Variants in CD8B2 observed in about 807,000 individuals in gnomAD.
The protein encoded by CD8B2 is CD8B family member 2, also known as T-cell surface glycoprotein CD8 beta-2 chain.
In CD8B2, 11 loss-of-function variants were observed where a neutral mutation model predicts 23.7. The observed-to-expected ratio is 0.46, with a 90% CI of 0.29 to 0.77. The LOEUF is 0.77. Among genes scored for constraint, CD8B2 ranks in the 30% least tolerant of loss-of-function variants. The pLI, the probability that CD8B2 is intolerant of heterozygous loss-of-function variation, is 0.09. For missense variants in CD8B2, 197 were observed against 270.5 expected, an observed-to-expected ratio of 0.73 and a Z score of 1.91; for synonymous variants, 90 against 109.3, an observed-to-expected ratio of 0.82 and a Z score of 1.10.
At chr2:106,528,223 G>A (rs1679942487) in intron 5 of CD8B2, among the ~76,000 whole-genome samples, 1 of 152,186 alleles carries the variant, frequency 6.6e-6, no homozygotes, top group Non-Finnish European at 1.5e-5. Flanking sequence ...ATTGTGTTAT[G>A]TGTCTTTTTA....
intron 5 of CD8B2, among the ~76,000 whole-genome samples, chr2:106,537,217 A>G (rs1393320373): frequency 1.3e-5 from 2 of 151,928 alleles, no homozygotes; most frequent in Non-Finnish European, 2.9e-5. Flanking sequence ...CCCGTCTCTC[A>G]CCCCTCACTT....
intron 2 of CD8B2, among the ~76,000 whole-genome samples, chr2:106,493,042 A>G (rs1679223141): frequency 6.6e-6 from 1 of 151,758 alleles, no homozygotes; most frequent in African/African-American, 2.4e-5. Flanking sequence ...CTCCATCCCA[A>G]CCGCACTCAC....
In CD8B2 at chr2:106,490,728, C is replaced by T. The variant is rs976191968; in HGVS notation, c.44-146C>T. On this transcript the variant is annotated intron_variant, in intron 1 of 5. Transcript: ENST00000643224. Reference sequence around the variant, plus strand: ...TGTGAACTCTGAGTCCAGGAGCCAACAGCTGTGCTCAACACACTCCCTGGA... The same window carrying T: ...TGTGAACTCTGAGTCCAGGAGCCAATAGCTGTGCTCAACACACTCCCTGGA... 34 of 1,441,170 alleles carry T rather than the reference C, an allele frequency of 2.4e-5. No homozygotes were observed. The African/African-American group carries it at 4.4e-4, about 19-fold the overall frequency. The allele number at this position is 1,441,170 out of a possible 1,614,324, so 89.3% of individuals were successfully genotyped here.
intron 5 of CD8B2, among the ~76,000 whole-genome samples, chr2:106,534,076 C>T (rs1443552462): frequency 1.3e-5 from 2 of 152,188 alleles, no homozygotes; most frequent in African/African-American, 4.8e-5. Context: ...TTACAAATCC[C>T]AGTCTGCAGA....
chr2:106,515,829 C>CTT (rs5833191), downstream of CD8B2, among the ~76,000 whole-genome samples: 21,766 of 149,152 alleles, frequency 0.15, 1,876 homozygotes, highest in South Asian at 0.25. Flanking sequence ...TTAGACTCCT[C>CTT]TTTTTTTTTT....
chr2:106,502,970 A>C (rs1679440482), intron 4 of CD8B2, among the ~76,000 whole-genome samples: 1 of 151,460 alleles, frequency 6.6e-6, no homozygotes, highest in Non-Finnish European at 1.5e-5. Context: ...GTGTCCAGAA[A>C]AGTTTGCCTA....
At chr2:106,519,130 A>AT (rs1250098402) in intron 5 of CD8B2, among the ~76,000 whole-genome samples, 2 of 152,204 alleles carry the variant, frequency 1.3e-5, no homozygotes. Context: ...ATTAGATGAT[A>AT]TTTTTAATAG....
chr2:106,492,798 C>A (rs1371227234), intron 2 of CD8B2, among the ~76,000 whole-genome samples: 1 of 152,238 alleles, frequency 6.6e-6, no homozygotes, highest in Non-Finnish European at 1.5e-5. Flanking sequence ...TGCCCCGCCA[C>A]CTCTTGCTAG....
intron 3 of CD8B2, among the ~76,000 whole-genome samples, chr2:106,500,904 T>C (rs1679393071): frequency 6.6e-6 from 1 of 151,876 alleles, no homozygotes; most frequent in Non-Finnish European, 1.5e-5. Flanking sequence ...TCCCAATATA[T>C]GAAAATAGGC....
rs1042488166 is a variant in CD8B2, at chr2:106,510,363, C to A, written c.*3423C>A. The A allele has an allele frequency of 6.6e-6, 1 of 152,070 alleles. No homozygotes were observed. The highest frequency in any genetic ancestry group is 1.5e-5 in the Non-Finnish European group (1 of 68,014). 9.4% of individuals were successfully genotyped at this position (152,070 alleles called of 1,614,324 possible). A position where few individuals can be genotyped will look rare whatever the true frequency, so the allele number is the denominator to read the frequency against. On this transcript the variant is annotated 3_prime_UTR_variant, in exon 6 of 6. Transcript: ENST00000643224. Reference sequence around the variant, plus strand: ...GCTATGGATATAGATGTAAATTATACTTCAAGAAAGAGACTTTTTAAAATC... The same window carrying A: ...GCTATGGATATAGATGTAAATTATAATTCAAGAAAGAGACTTTTTAAAATC...
intron 5 of CD8B2, among the ~76,000 whole-genome samples, chr2:106,543,412 C>A (rs1351782043): frequency 6.6e-6 from 1 of 152,156 alleles, no homozygotes; most frequent in Non-Finnish European, 1.5e-5. Flanking sequence ...CACCTATGGT[C>A]CCAGCTACTT....
chr2:106,519,299 G>A (rs1356090094), intron 5 of CD8B2, among the ~76,000 whole-genome samples: 4 of 152,158 alleles, frequency 2.6e-5, no homozygotes, highest in Non-Finnish European at 5.9e-5. Context: ...GGTGATCACT[G>A]TGTGATGACT....
intron 5 of CD8B2, among the ~76,000 whole-genome samples, chr2:106,530,523 C>T (rs887457842): frequency 1.4e-4 from 21 of 152,118 alleles, no homozygotes; most frequent in African/African-American, 4.8e-4. Context: ...GGACTACAGG[C>T]GCCCGCTACC....
At chr2:106,515,500 A>G (rs1468133172), downstream of CD8B2, among the ~76,000 whole-genome samples, 1 of 152,176 alleles carries the variant, frequency 6.6e-6, no homozygotes, top group Non-Finnish European at 1.5e-5. Flanking sequence ...AGAGGAAGAG[A>G]CCAGGTTCTT....
intron 5 of CD8B2, chr2:106,535,353 G>A (rs1218309592): frequency 6.7e-6 from 1 of 148,954 alleles, no homozygotes; most frequent in Admixed American, 6.7e-5. Flanking sequence ...TGTTTGCTGA[G>A]GTCCAGGGCT....
At chr2:106,541,293 G>A (rs567820764) in intron 5 of CD8B2, among the ~76,000 whole-genome samples, 1 of 152,250 alleles carries the variant, frequency 6.6e-6, no homozygotes, top group African/African-American at 2.4e-5. Flanking sequence ...ACCCCCTATG[G>A]AAGTAGGGCC....
rs569629915 is a variant in CD8B2, at chr2:106,496,088, G to A, written c.404-85G>A. The A allele has an allele frequency of 2.7e-3, 4,105 of 1,547,406 alleles. 20 individuals are homozygous for A. Among genetic ancestry groups the A allele is most frequent in the South Asian group, 7.1e-3 (593 of 83,706 alleles). On this transcript the variant is annotated intron_variant, in intron 2 of 5. Transcript: ENST00000643224. ...GTTGGGATTCCAGGCATGAGCCACC[G>A]CACCCGGCCATAAGACAAAGTTTTG...
Position 106,502,461 on chromosome 2 carries a change from G to A in CD8B2, c.494-13G>A, listed in dbSNP as rs889588076. On this transcript the variant is annotated splice_polypyrimidine_tract_variant and intron_variant, in intron 3 of 5. Transcript: ENST00000643224. ...GTTCTGTGTTGAACACATGTCACAT[G>A]TGTGTTTTCCAGGCCCACTTTGTAG... The A allele has an allele frequency of 6.7e-6, 10 of 1,494,762 alleles. No homozygotes were observed. Among genetic ancestry groups the A allele is most frequent in the Middle Eastern group, 1.7e-4 (1 of 5,808 alleles). The allele number at this position is 1,494,762 out of a possible 1,614,324, so 92.6% of individuals were successfully genotyped here.
At chr2:106,540,879 C>A (rs1680161794) in intron 5 of CD8B2, among the ~76,000 whole-genome samples, 1 of 152,198 alleles carries the variant, frequency 6.6e-6, no homozygotes, top group Non-Finnish European at 1.5e-5. Flanking sequence ...ACTCTTATAA[C>A]TACCTTTTGC....
Sources: gnomAD v4.1 joint callset for allele counts (sites outside exome capture counted in the v4.1 genomes callset) on GRCh38, gnomAD v4.1.1 for gene constraint, MANE v1.5 for transcripts, NCBI Gene and HGNC (gene_info 2026-07-23, HGNC 2026-07-21) for gene names.